Variants in DPRX observed in about 807,000 individuals in gnomAD.
The protein encoded by DPRX is divergent-paired related homeobox, also known as divergent paired-related homeobox.
A neutral mutation model predicts 8.4 loss-of-function variants in DPRX; 11 were observed. The observed-to-expected ratio is 1.31, with a 90% confidence interval of 0.82 to 2.17. The LOEUF is 2.17. Among genes scored for constraint, DPRX ranks in the 30% most tolerant of loss-of-function variants. DPRX has a pLI of 0.00. For missense variants in DPRX, 211 were observed against 236.7 expected (o/e 0.89, Z 0.71); for synonymous variants, 72 against 87.0 (o/e 0.83, Z 0.96).
At chr19:53,617,561 C>CA in the DPRX span, among the ~76,000 whole-genome samples, 3,513 of 103,616 alleles carry the variant, frequency 0.034, 202 homozygotes, top group African/African-American at 0.12. Flanking sequence ...TCCGTCTCAC[C>CA]AAAAAAAAAA....
the DPRX span, chr19:53,601,410 G>A: frequency 8.6e-5 from 39 of 454,726 alleles, 1 homozygote; most frequent in Non-Finnish European, 7.5e-5. Context: ...CACCACGAAC[G>A]TCTGCAAGGG....
the DPRX span, among the ~76,000 whole-genome samples, chr19:53,613,149 T>G: frequency 6.6e-6 from 1 of 152,110 alleles, no homozygotes; most frequent in South Asian, 2.1e-4. Flanking sequence ...GGAAGAAACT[T>G]CCGCTTCTGA....
chr19:53,609,813 T>G, the DPRX span, among the ~76,000 whole-genome samples: 1 of 151,952 alleles, frequency 6.6e-6, no homozygotes, highest in East Asian at 1.9e-4. Context: ...GGTGAAACCC[T>G]GTCTCTACTA....
At chr19:53,610,168 A>AAAAAAT in the DPRX span, among the ~76,000 whole-genome samples, 1 of 92,056 alleles carries the variant, frequency 1.1e-5, no homozygotes, top group Non-Finnish European at 2.2e-5. Context: ...AAAAAAAAAA[A>AAAAAAT]TTAGGCGGGT....
At chr19:53,618,596 C>T in the DPRX span, among the ~76,000 whole-genome samples, 3 of 106,820 alleles carry the variant, frequency 2.8e-5, no homozygotes, top group Non-Finnish European at 5.5e-5. Context: ...GTCTGGGCAA[C>T]ATAGCAAGAC....
At chr19:53,613,297 T>A in the DPRX span, among the ~76,000 whole-genome samples, 3 of 152,114 alleles carry the variant, frequency 2.0e-5, no homozygotes, top group Admixed American at 6.6e-5. Context: ...ACAGCTCACA[T>A]ATGGGGTCCA....
At chr19:53,612,298 GCTTGAA>G in the DPRX span, among the ~76,000 whole-genome samples, 1 of 152,152 alleles carries the variant, frequency 6.6e-6, no homozygotes, top group South Asian at 2.1e-4. Flanking sequence ...CAGGAGGGTG[GCTTGAA>G]CCCAGGAGGT....
chr19:53,636,573 T>G, intron 2 of DPRX, 23 bp from the exon 3 acceptor site: 1 of 1,504,732 alleles, frequency 6.6e-7, no homozygotes, highest in Non-Finnish European at 8.9e-7. Flanking sequence ...TCCACCCCAT[T>G]CTCTTCTCTC....
the DPRX span, chr19:53,602,197 C>G: frequency 2.2e-6 from 1 of 449,730 alleles, no homozygotes; most frequent in South Asian, 1.6e-5. Context: ...AGAACAGGTT[C>G]AACTTCAGAA....
upstream of DPRX, chr19:53,629,624 G>A (rs1368876265): frequency 6.6e-6 from 1 of 151,104 alleles, no homozygotes; most frequent in Admixed American, 6.6e-5. Flanking sequence ...TTTTTAAATT[G>A]GTTTCTGACA....
chr19:53,627,004 C>T, the DPRX span, among the ~76,000 whole-genome samples: 2 of 152,070 alleles, frequency 1.3e-5, no homozygotes, highest in African/African-American at 4.8e-5. Context: ...TGTTGCACAT[C>T]TTGACTTCTC....
chr19:53,622,021 T>A, the DPRX span, among the ~76,000 whole-genome samples: 1 of 152,130 alleles, frequency 6.6e-6, no homozygotes, highest in African/African-American at 2.4e-5. Flanking sequence ...CTCATTTGCC[T>A]GCTAGGGTGA....
the DPRX span, among the ~76,000 whole-genome samples, chr19:53,620,589 T>G: frequency 6.6e-6 from 1 of 151,914 alleles, no homozygotes; most frequent in Non-Finnish European, 1.5e-5. Context: ...GGTCTCGAAC[T>G]CCTGGCCTCA....
the DPRX span, among the ~76,000 whole-genome samples, chr19:53,622,334 G>A: frequency 6.6e-6 from 1 of 152,078 alleles, no homozygotes; most frequent in Non-Finnish European, 1.5e-5. Context: ...CACATATTTA[G>A]TTAAGAGAGA....
At chr19:53,610,771 G>A in the DPRX span, among the ~76,000 whole-genome samples, 105 of 152,188 alleles carry the variant, frequency 6.9e-4, no homozygotes, top group South Asian at 2.3e-3. Flanking sequence ...ATCAGCTATC[G>A]TTAGTGTATT....
chr19:53,618,647 C>T, the DPRX span, among the ~76,000 whole-genome samples: 1 of 145,580 alleles, frequency 6.9e-6, no homozygotes, highest in Non-Finnish European at 1.5e-5. Context: ...GTACTAAAGA[C>T]TCAGAGATAG....
the DPRX span, among the ~76,000 whole-genome samples, chr19:53,623,345 A>C: frequency 0.017 from 2,568 of 150,664 alleles, 30 homozygotes; most frequent in Middle Eastern, 0.028. Context: ...AAATAAATAA[A>C]AGGCCATTCC....
chr19:53,628,396 A>G (rs1187942589), upstream of DPRX, among the ~76,000 whole-genome samples: 2 of 152,200 alleles, frequency 1.3e-5, no homozygotes, highest in East Asian at 3.8e-4. Context: ...CTTTGGACTA[A>G]TGGTACCAGC....
intron 1 of DPRX, among the ~76,000 whole-genome samples, chr19:53,632,949 C>T (rs1481161777): frequency 6.6e-6 from 1 of 152,136 alleles, no homozygotes; most frequent in Non-Finnish European, 1.5e-5. Flanking sequence ...TTCATGAGCA[C>T]TTACTAGACT....
Sources: allele counts gnomAD v4.1 joint callset (sites outside exome capture counted in the v4.1 genomes callset), GRCh38; gene constraint gnomAD v4.1.1; transcripts MANE v1.5; gene names NCBI Gene and HGNC (gene_info 2026-07-23, HGNC 2026-07-21).